Variants in CELF4 observed in about 807,000 individuals in gnomAD.
CELF4 encodes CUG-BP- and ETR-3-like factor 4.
A neutral mutation model predicts 59.9 loss-of-function variants in CELF4; 18 were observed. The ratio of observed to expected loss-of-function variants is 0.30; its 90% CI spans 0.21 to 0.45. The LOEUF (loss-of-function observed/expected upper bound fraction) is 0.45, where lower values mean the gene tolerates loss of function less well. Ranked by LOEUF, CELF4 falls within the 20% of genes least tolerant of loss-of-function variation. The pLI is 1.00. For missense variants in CELF4, 456 were observed against 689.0 expected (o/e 0.66, Z 3.79); for synonymous variants, 261 against 267.1 (o/e 0.98, Z 0.22).
At chr18:37,559,759 T>A (rs909678434) in intron 1 of CELF4, among the ~76,000 whole-genome samples, 4 of 152,124 alleles carry the variant, frequency 2.6e-5, no homozygotes, top group African/African-American at 9.7e-5. Flanking sequence ...AAGCCCCTCT[T>A]CCCTCCTGAT....
chr18:37,560,812 A>T (rs1230863963), intron 1 of CELF4, among the ~76,000 whole-genome samples: 1 of 152,152 alleles, frequency 6.6e-6, no homozygotes, highest in East Asian at 1.9e-4. Context: ...AACACCCAAA[A>T]CCCCACAAAA....
chr18:37,295,832 A>C (rs1348891484), intron 3 of CELF4, among the ~76,000 whole-genome samples: 1 of 152,194 alleles, frequency 6.6e-6, no homozygotes, highest in African/African-American at 2.4e-5. Flanking sequence ...GGCGAGAGGA[A>C]GAGGAACTGC....
intron 3 of CELF4, among the ~76,000 whole-genome samples, chr18:37,317,493 AG>A (rs1256017477): frequency 1.8e-4 from 27 of 152,210 alleles, no homozygotes; most frequent in Admixed American, 1.7e-3. Context: ...CCCCCAGGTA[AG>A]GAGATGGAGG....
At chr18:37,482,880 T>A (rs2099872073) in intron 2 of CELF4, among the ~76,000 whole-genome samples, 1 of 152,226 alleles carries the variant, frequency 6.6e-6, no homozygotes, top group Non-Finnish European at 1.5e-5. Flanking sequence ...AGTGGAGGGC[T>A]GATTTTAATG....
Position 37,273,060 on chromosome 18 carries a change from A to G in CELF4, c.905T>C (p.Leu302Pro). 1 of 1,612,652 alleles carries G rather than the reference A, an allele frequency of 6.2e-7. No individual in the cohort carries two copies. The highest frequency in any genetic ancestry group is 8.5e-7 in the Non-Finnish European group (1 of 1,179,878). The part of the protein sequence containing the change: ...AAAQMQQMAA[L>P]NMNGLAAAPM... ...TGCGGCCGCCAGGCCATTCATGTTG[A>G]GGGCCGCCATCTGCTGCATCTGGGC... Residue 302 changes from leucine (L) to proline (P), a missense_variant, in exon 7 of 13, where the codon CTC (leucine) becomes CCC (proline). Leu to Pro is a moderately conservative substitution (Grantham distance 98). Transcript: ENST00000420428.
At chr18:37,537,858 C>A (rs1447127730) in intron 1 of CELF4, among the ~76,000 whole-genome samples, 1 of 152,234 alleles carries the variant, frequency 6.6e-6, no homozygotes, top group Non-Finnish European at 1.5e-5. Context: ...ACCAGGCCTG[C>A]CTCCTTGGAG....
intron 1 of CELF4, among the ~76,000 whole-genome samples, chr18:37,496,038 T>C (rs779613864): frequency 6.6e-6 from 1 of 152,112 alleles, no homozygotes; most frequent in Non-Finnish European, 1.5e-5. Flanking sequence ...ACCATATCAC[T>C]GTGGGCCTTT....
chr18:37,471,995 C>G (rs2099834358), intron 2 of CELF4, among the ~76,000 whole-genome samples: 1 of 152,212 alleles, frequency 6.6e-6, no homozygotes, highest in Non-Finnish European at 1.5e-5. Context: ...TGACTCTGCT[C>G]CTGCTCTCCC....
chr18:37,392,261 C>T (rs542816549), intron 2 of CELF4, among the ~76,000 whole-genome samples: 1 of 152,340 alleles, frequency 6.6e-6, no homozygotes, highest in South Asian at 2.1e-4. Context: ...AGTTGCACCC[C>T]AGGGTACCTC....
At chr18:37,319,976 C>T (rs73427207) in intron 3 of CELF4, among the ~76,000 whole-genome samples, 4,889 of 152,218 alleles carry the variant, frequency 0.032, 260 homozygotes, top group African/African-American at 0.11. Flanking sequence ...CCAGCCCTGG[C>T]GGGGGGAAGG....
intron 12 of CELF4, among the ~76,000 whole-genome samples, chr18:37,249,510 C>G (rs1213186986): frequency 2.0e-5 from 3 of 152,154 alleles, no homozygotes; most frequent in Non-Finnish European, 4.4e-5. Context: ...CCCTAAAGCT[C>G]AATCTAGGGA....
At chr18:37,559,067 C>G (rs1299708234) in intron 1 of CELF4, among the ~76,000 whole-genome samples, 1 of 152,032 alleles carries the variant, frequency 6.6e-6, no homozygotes, top group East Asian at 1.9e-4. Context: ...ATGGGGATAT[C>G]AGGCAGATAA....
intron 7 of CELF4, among the ~76,000 whole-genome samples, chr18:37,271,633 G>C (rs550185141): frequency 2.6e-5 from 4 of 152,286 alleles, no homozygotes; most frequent in African/African-American, 9.6e-5. Flanking sequence ...TCATTGGGGG[G>C]CTGATATGCC....
At chr18:37,485,772 G>GAT (rs2099879956) in intron 1 of CELF4, 165 bp from the exon 2 acceptor site, 1 of 397,404 alleles carries the variant, frequency 2.5e-6, no homozygotes, top group Non-Finnish European at 4.4e-6. Flanking sequence ...TCTGCCTCTC[G>GAT]GTGTTCCCGG....
chr18:37,288,280 T>C (rs567953949), intron 3 of CELF4, among the ~76,000 whole-genome samples: 10 of 152,316 alleles, frequency 6.6e-5, no homozygotes, highest in Middle Eastern at 3.4e-3. Flanking sequence ...ATGTCTCCCT[T>C]ATAGGTGCCT....
intron 2 of CELF4, among the ~76,000 whole-genome samples, chr18:37,389,867 G>C (rs1279874492): frequency 6.6e-6 from 1 of 152,166 alleles, no homozygotes; most frequent in Admixed American, 6.5e-5. Flanking sequence ...ACACACACAG[G>C]CACAGAGTCA....
intron 1 of CELF4, among the ~76,000 whole-genome samples, chr18:37,560,461 G>T (rs2099986214): frequency 6.6e-6 from 1 of 152,138 alleles, no homozygotes; most frequent in South Asian, 2.1e-4. Flanking sequence ...GCTTTGATAT[G>T]CTTTAGGTTT....
chr18:37,550,304 T>G (rs1488325319), intron 1 of CELF4, among the ~76,000 whole-genome samples: 4 of 152,172 alleles, frequency 2.6e-5, no homozygotes, highest in Non-Finnish European at 4.4e-5. Context: ...AAATTCACTT[T>G]GTCTATTAAG....
chr18:37,288,872 A>C (rs1428235769), intron 3 of CELF4, among the ~76,000 whole-genome samples: 1 of 152,150 alleles, frequency 6.6e-6, no homozygotes, highest in Non-Finnish European at 1.5e-5. Context: ...TTGTTAGAGA[A>C]TAGAGAACAG....
Sources: gnomAD v4.1 joint callset for allele counts (sites outside exome capture counted in the v4.1 genomes callset) on GRCh38, gnomAD v4.1.1 for gene constraint, MANE v1.5 for transcripts, NCBI Gene and HGNC (gene_info 2026-07-23, HGNC 2026-07-21) for gene names.